The following EPHA6 variants were observed in gnomAD, a reference collection of about 807,000 sequenced individuals.
The protein encoded by EPHA6 is EPH receptor A6, also known as ephrin type-A receptor 6.
Under a neutral mutation model 112.0 loss-of-function variants are expected in EPHA6, and 50 were observed. That is an observed-to-expected ratio of 0.45 (90% CI 0.36 to 0.56). The LOEUF is 0.56. EPHA6 is among the 20% of genes least tolerant of loss of function. The probability of loss-of-function intolerance (pLI) is 0.00; values close to 1 mark genes in which losing one functional copy is unlikely to be tolerated. For missense variants in EPHA6, 1,280 were observed against 1,417.4 expected, an observed-to-expected ratio of 0.90 and a Z score of 1.56; for synonymous variants, 529 against 490.7, an observed-to-expected ratio of 1.08 and a Z score of -1.03.
chr3:96,864,164 G>T (rs754592188), intron 1 of EPHA6, among the ~76,000 whole-genome samples: 11 of 152,092 alleles, frequency 7.2e-5, no homozygotes, highest in Admixed American at 1.3e-4. Context: ...AATCCAGATG[G>T]ATAGTTTATT....
chr3:97,091,976 C>T (rs1184707067), intron 3 of EPHA6, among the ~76,000 whole-genome samples: 1 of 150,756 alleles, frequency 6.6e-6, no homozygotes, highest in Non-Finnish European at 1.5e-5. Context: ...GTGATGAGGC[C>T]CACTTGCTTT....
At chr3:97,578,039 A>T (rs1356873214) in intron 11 of EPHA6, among the ~76,000 whole-genome samples, 1 of 152,168 alleles carries the variant, frequency 6.6e-6, no homozygotes, top group Non-Finnish European at 1.5e-5. Flanking sequence ...ACATCCATGA[A>T]GTCTGTTTCA....
chr3:97,419,382 G>C (rs2088418954), intron 6 of EPHA6, among the ~76,000 whole-genome samples: 1 of 152,126 alleles, frequency 6.6e-6, no homozygotes, highest in South Asian at 2.1e-4. Flanking sequence ...CCAGCACTTT[G>C]GGAGGCCGAG....
At chr3:97,466,628 G>A in intron 7 of EPHA6, 1 of 609,824 alleles carries the variant, frequency 1.6e-6, no homozygotes, top group South Asian at 2.1e-5. Flanking sequence ...AAGAGTTTAT[G>A]TCTCTGGTAA....
chr3:97,310,091 G>T, intron 5 of EPHA6, among the ~76,000 whole-genome samples: 1 of 151,246 alleles, frequency 6.6e-6, no homozygotes, highest in Non-Finnish European at 1.5e-5. Context: ...AAAGACTTCC[G>T]TGGCCTTTTT....
chr3:97,456,033 G>A (rs1275691560), intron 7 of EPHA6, among the ~76,000 whole-genome samples: 3 of 152,094 alleles, frequency 2.0e-5, no homozygotes, highest in East Asian at 3.9e-4. Context: ...GTACTTAGAT[G>A]TTGTAAAATG....
intron 5 of EPHA6, among the ~76,000 whole-genome samples, chr3:97,250,681 T>C (rs2079110262): frequency 6.6e-6 from 1 of 152,200 alleles, no homozygotes; most frequent in African/African-American, 2.4e-5. Flanking sequence ...CTCTACTTTA[T>C]GGTTAGGCAA....
chr3:96,820,067 T>C (rs2033131589), intron 1 of EPHA6, among the ~76,000 whole-genome samples: 1 of 151,936 alleles, frequency 6.6e-6, no homozygotes, highest in Non-Finnish European at 1.5e-5. Flanking sequence ...GTGCGTAACA[T>C]ATAGTGGAAA....
intron 3 of EPHA6, among the ~76,000 whole-genome samples, chr3:97,092,135 A>T (rs1260733190): frequency 6.6e-6 from 1 of 151,508 alleles, no homozygotes; most frequent in African/African-American, 2.4e-5. Context: ...TTATCACCAC[A>T]TGTAACAACG....
At chr3:97,174,027 C>A (rs1023029821) in intron 3 of EPHA6, among the ~76,000 whole-genome samples, 2 of 151,714 alleles carry the variant, frequency 1.3e-5, no homozygotes, top group Non-Finnish European at 3.0e-5. Context: ...ACCTTCCCCC[C>A]CAGTCCCCCA....
intron 5 of EPHA6, among the ~76,000 whole-genome samples, chr3:97,369,899 G>A (rs2084952809): frequency 6.6e-6 from 1 of 152,014 alleles, no homozygotes; most frequent in Admixed American, 6.6e-5. Flanking sequence ...AAAAATCAAA[G>A]TTTTCAATCT....
intron 13 of EPHA6, among the ~76,000 whole-genome samples, chr3:97,623,521 G>A (rs1250678850): frequency 2.6e-5 from 4 of 151,598 alleles, no homozygotes; most frequent in African/African-American, 9.7e-5. Flanking sequence ...CCAAGCCCAA[G>A]GGTAATGGCT....
intron 5 of EPHA6, among the ~76,000 whole-genome samples, chr3:97,379,724 G>A (rs1284500476): frequency 2.2e-5 from 3 of 137,302 alleles, no homozygotes; most frequent in Non-Finnish European, 4.5e-5. Context: ...ACTCCAGCCT[G>A]GGCAAGAGGG....
intron 2 of EPHA6, among the ~76,000 whole-genome samples, chr3:96,896,271 G>A (rs906998536): frequency 3.9e-5 from 6 of 152,112 alleles, no homozygotes; most frequent in Non-Finnish European, 7.4e-5. Flanking sequence ...ACATAGGGAT[G>A]TAATTTTCAT....
At chr3:97,156,730 A>G (rs2076296915) in intron 3 of EPHA6, among the ~76,000 whole-genome samples, 1 of 152,132 alleles carries the variant, frequency 6.6e-6, no homozygotes, top group Non-Finnish European at 1.5e-5. Context: ...CAATTTAAGA[A>G]CATTGCTTGT....
At chr3:97,573,302 C>CA (rs1468190178) in intron 11 of EPHA6, among the ~76,000 whole-genome samples, 1 of 151,742 alleles carries the variant, frequency 6.6e-6, no homozygotes, top group African/African-American at 2.4e-5. Flanking sequence ...AAAAGGAACC[C>CA]AAAAAAATAA....
chr3:97,258,249 TATACACAC>T (rs993836754), intron 5 of EPHA6, among the ~76,000 whole-genome samples: 2 of 148,452 alleles, frequency 1.3e-5, no homozygotes, highest in African/African-American at 5.2e-5. Context: ...AGTATATATA[TATACACAC>T]ACACACACAC....
At chr3:97,631,106 A>T (rs28491271) in intron 13 of EPHA6, among the ~76,000 whole-genome samples, 1 of 152,096 alleles carries the variant, frequency 6.6e-6, no homozygotes, top group Non-Finnish European at 1.5e-5. Flanking sequence ...GCATTTGTAA[A>T]CCCCAAAAAT....
intron 11 of EPHA6, among the ~76,000 whole-genome samples, chr3:97,542,557 G>C (rs999926420): frequency 1.8e-4 from 27 of 152,198 alleles, no homozygotes; most frequent in African/African-American, 6.3e-4. Flanking sequence ...ATAAACATAC[G>C]TGTGCATGTG....
Sources: allele counts gnomAD v4.1 joint callset (sites outside exome capture counted in the v4.1 genomes callset), GRCh38; gene constraint gnomAD v4.1.1; transcripts MANE v1.5; gene names NCBI Gene and HGNC (gene_info 2026-07-23, HGNC 2026-07-21).